The following GRID1 variants were observed in gnomAD, a reference collection of about 807,000 sequenced individuals.
GRID1 encodes glutamate receptor ionotropic, delta-1.
GRID1 carries 28 observed loss-of-function variants against 98.0 expected under a neutral mutation model. The observed-to-expected ratio is 0.29, with a 90% CI of 0.21 to 0.39. The LOEUF (loss-of-function observed/expected upper bound fraction) is 0.39, where lower values mean the gene tolerates loss of function less well. GRID1 is among the 10% of genes least tolerant of loss of function. The pLI is 1.00. For synonymous variants in GRID1, 553 were observed against 538.5 expected (o/e 1.03, Z -0.37); for missense variants, 1,111 against 1,340.5 (o/e 0.83, Z 2.67).
intron 2 of GRID1, among the ~76,000 whole-genome samples, chr10:86,358,399 C>A (rs1848560644): frequency 6.6e-6 from 1 of 152,140 alleles, no homozygotes; most frequent in African/African-American, 2.4e-5. Flanking sequence ...ATCCCCAGAT[C>A]TGTGAATATG....
chr10:85,729,379 T>A (rs1354021983), intron 9 of GRID1, 134 bp downstream of exon 9: 9 of 547,590 alleles, frequency 1.6e-5, no homozygotes, highest in African/African-American at 1.9e-5. Flanking sequence ...ATTATTTGAA[T>A]GAAAGGCCTT....
At chr10:85,966,919 C>A (rs1842344491) in intron 4 of GRID1, among the ~76,000 whole-genome samples, 1 of 152,164 alleles carries the variant, frequency 6.6e-6, no homozygotes, top group Non-Finnish European at 1.5e-5. Context: ...GGCTGTGTCC[C>A]CACCCAAATC....
chr10:85,931,041 T>C (rs865999883), intron 4 of GRID1, among the ~76,000 whole-genome samples: 5 of 152,170 alleles, frequency 3.3e-5, no homozygotes, highest in African/African-American at 7.2e-5. Flanking sequence ...GGTTTTGCCA[T>C]GTTGCCCAGG....
intron 5 of GRID1, among the ~76,000 whole-genome samples, chr10:85,914,316 G>C (rs1841580952): frequency 6.6e-6 from 1 of 152,180 alleles, no homozygotes; most frequent in Non-Finnish European, 1.5e-5. Flanking sequence ...ATCCAGTTTG[G>C]AGGATTCATC....
intron 5 of GRID1, among the ~76,000 whole-genome samples, chr10:85,907,919 A>G (rs1171541577): frequency 6.6e-6 from 1 of 152,200 alleles, no homozygotes. Context: ...ATAAACTGCA[A>G]AAAGAAAAAC....
intron 12 of GRID1, among the ~76,000 whole-genome samples, chr10:85,672,290 G>T (rs1371882892): frequency 6.6e-6 from 1 of 152,160 alleles, no homozygotes; most frequent in African/African-American, 2.4e-5. Flanking sequence ...GGACCCTTAA[G>T]AATTATGTTC....
chr10:86,202,558 G>A (rs945423659), intron 3 of GRID1, among the ~76,000 whole-genome samples: 3 of 152,170 alleles, frequency 2.0e-5, no homozygotes, highest in Admixed American at 6.5e-5. Context: ...CTCAAATGTC[G>A]TCTTCTCTTT....
At chr10:85,805,251 T>C (rs1489103231) in intron 8 of GRID1, among the ~76,000 whole-genome samples, 1 of 151,654 alleles carries the variant, frequency 6.6e-6, no homozygotes, top group Non-Finnish European at 1.5e-5. Context: ...AAAACAACTT[T>C]TGAAACAGTG....
At chr10:85,637,751 G>A (rs1250526988) in intron 13 of GRID1, among the ~76,000 whole-genome samples, 1 of 152,140 alleles carries the variant, frequency 6.6e-6, no homozygotes, top group African/African-American at 2.4e-5. Flanking sequence ...AAGGAGTTGA[G>A]GCTTATAGAT....
intron 13 of GRID1, among the ~76,000 whole-genome samples, chr10:85,639,350 T>A (rs11201709): frequency 0.28 from 42,458 of 152,164 alleles, 6,128 homozygotes; most frequent in Middle Eastern, 0.43. Flanking sequence ...TCCATTTATA[T>A]TAACTACAAG....
chr10:86,290,465 A>G (rs2132074828), intron 2 of GRID1, among the ~76,000 whole-genome samples: 1 of 152,242 alleles, frequency 6.6e-6, no homozygotes, highest in Non-Finnish European at 1.5e-5. Context: ...TGGCCAACAT[A>G]GCAAAACTCC....
intron 4 of GRID1, among the ~76,000 whole-genome samples, chr10:86,055,813 T>TCTCTCTCTCTC (rs370248352): frequency 6.8e-6 from 1 of 147,350 alleles, no homozygotes; most frequent in Non-Finnish European, 1.5e-5. Context: ...TGTGCTCTCA[T>TCTCTCTCTCTC]TCTCTCTCTC....
intron 12 of GRID1, among the ~76,000 whole-genome samples, chr10:85,697,202 A>C (rs1422870255): frequency 6.6e-6 from 1 of 152,098 alleles, no homozygotes; most frequent in Admixed American, 6.6e-5. Context: ...TTGCTGTATG[A>C]GTTTTTAAGA....
intron 14 of GRID1, 42 bp from the exon 15 acceptor site, chr10:85,613,689 T>A: frequency 6.3e-7 from 1 of 1,586,746 alleles, no homozygotes; most frequent in Non-Finnish European, 8.6e-7. Context: ...ACTGACGTCA[T>A]CAACTCAGCC....
chr10:86,233,520 C>T (rs1449752674), intron 2 of GRID1, among the ~76,000 whole-genome samples: 1 of 152,122 alleles, frequency 6.6e-6, no homozygotes, highest in Non-Finnish European at 1.5e-5. Context: ...AGCAAACTTC[C>T]CTCACCCAGG....
At chr10:86,269,214 C>T (rs1164754679) in intron 2 of GRID1, among the ~76,000 whole-genome samples, 2 of 152,186 alleles carry the variant, frequency 1.3e-5, no homozygotes, top group African/African-American at 4.8e-5. Context: ...TTCCATTGCT[C>T]AGGGTGGCTA....
intron 3 of GRID1, among the ~76,000 whole-genome samples, chr10:86,157,275 G>C (rs1241223453): frequency 6.6e-6 from 1 of 152,206 alleles, no homozygotes; most frequent in Admixed American, 6.5e-5. Flanking sequence ...CCTCACCACA[G>C]AGGAACAACT....
intron 12 of GRID1, among the ~76,000 whole-genome samples, chr10:85,651,689 T>C (rs927265267): frequency 3.3e-5 from 5 of 152,168 alleles, no homozygotes; most frequent in African/African-American, 1.2e-4. Context: ...AGTAATGAAC[T>C]CCTAGGCAAG....
chr10:85,796,543 C>T (rs1357754927), intron 8 of GRID1, among the ~76,000 whole-genome samples: 1 of 152,004 alleles, frequency 6.6e-6, no homozygotes, highest in East Asian at 1.9e-4. Context: ...ATATAAAAGG[C>T]TCAGAAATAA....
Sources: gnomAD v4.1 joint callset for allele counts (sites outside exome capture counted in the v4.1 genomes callset) on GRCh38, gnomAD v4.1.1 for gene constraint, MANE v1.5 for transcripts, NCBI Gene and HGNC (gene_info 2026-07-23, HGNC 2026-07-21) for gene names.